The following DCAF6 variants were observed in gnomAD, a reference collection of about 807,000 sequenced individuals.
DCAF6 encodes the protein DDB1 and CUL4 associated factor 6, also known as DDB1- and CUL4-associated factor 6.
DCAF6 carries 54 observed loss-of-function variants against 125.1 expected under a neutral mutation model. The ratio of observed to expected loss-of-function variants is 0.43; its 90% CI spans 0.35 to 0.54. DCAF6 has a LOEUF of 0.54. Ranked by LOEUF, DCAF6 falls within the 20% of genes least tolerant of loss-of-function variation. DCAF6 has a pLI of 0.01. For missense variants in DCAF6, 934 were observed against 1,161.7 expected (o/e 0.80, Z 2.85); for synonymous variants, 371 against 390.4 (o/e 0.95, Z 0.58).
At chr1:168,044,466 A>C in intron 14 of DCAF6, 119 bp from the exon 15 acceptor site, 1 of 706,896 alleles carries the variant, frequency 1.4e-6, no homozygotes, top group East Asian at 2.5e-5. Flanking sequence ...GGTTATATGC[A>C]AATATTATGC....
intron 10 of DCAF6, among the ~76,000 whole-genome samples, chr1:168,010,128 A>G (rs2103127952): frequency 6.6e-6 from 1 of 152,296 alleles, no homozygotes; most frequent in South Asian, 2.1e-4. Flanking sequence ...TTAGCTGTCT[A>G]ACCATTTATC....
intron 11 of DCAF6, among the ~76,000 whole-genome samples, chr1:168,018,271 T>C (rs1685232778): frequency 6.6e-6 from 1 of 152,236 alleles, no homozygotes; most frequent in African/African-American, 2.4e-5. Flanking sequence ...AATTGAAGAC[T>C]AAAACACCAT....
At chr1:167,971,079 A>C (rs2102865097) in intron 3 of DCAF6, among the ~76,000 whole-genome samples, 1 of 152,248 alleles carries the variant, frequency 6.6e-6, no homozygotes, top group South Asian at 2.1e-4. Flanking sequence ...AGAGCTTAAA[A>C]AGTTTTCATT....
intron 5 of DCAF6, 120 bp downstream of exon 5, chr1:167,987,728 T>A: frequency 2.0e-6 from 1 of 511,348 alleles, no homozygotes. Context: ...ATGGTAAGAT[T>A]ATGGGTGAAT....
intron 2 of DCAF6, among the ~76,000 whole-genome samples, chr1:167,958,030 A>G (rs1244335073): frequency 6.6e-6 from 1 of 151,434 alleles, no homozygotes; most frequent in Non-Finnish European, 1.5e-5. Flanking sequence ...ATATTCTGGG[A>G]CTCTTGTCAT....
At chr1:168,017,410 T>G (rs899376345) in intron 11 of DCAF6, among the ~76,000 whole-genome samples, 3 of 152,014 alleles carry the variant, frequency 2.0e-5, no homozygotes, top group Non-Finnish European at 4.4e-5. Context: ...AACAAAACTG[T>G]CTAACAGGAA....
At chr1:168,063,110 A>G (rs1691819974) in intron 17 of DCAF6, among the ~76,000 whole-genome samples, 1 of 151,928 alleles carries the variant, frequency 6.6e-6, no homozygotes, top group African/African-American at 2.4e-5. Context: ...ATGGGGTTTC[A>G]TTATTCTTTT....
At chr1:167,872,729 T>C in the DCAF6 span, among the ~76,000 whole-genome samples, 2 of 149,980 alleles carry the variant, frequency 1.3e-5, no homozygotes, top group Non-Finnish European at 3.0e-5. Flanking sequence ...CTGATCTTTA[T>C]GTCATACTGG....
chr1:167,952,354 A>T lies in DCAF6; in HGVS notation c.159+493A>T, dbSNP rs370573025. On this transcript the variant is annotated intron_variant, in intron 2 of 21. Coordinates refer to ENST00000367840, the MANE Select transcript of DCAF6 (RefSeq NM_001198956.2). Reference sequence around the variant, plus strand: ...TGCCTCAGCCTCCTGGGTAGCTGGGACTACAGGTGCCTGCCACCACGCCTG... The same window carrying T: ...TGCCTCAGCCTCCTGGGTAGCTGGGTCTACAGGTGCCTGCCACCACGCCTG... Among the ~76,000 whole-genome samples, 4 of 152,102 alleles carry T rather than the reference A, an allele frequency of 2.6e-5. No individual in the cohort carries two copies. The South Asian group carries it at 6.2e-4, about 24-fold the overall frequency.
intron 7 of DCAF6, among the ~76,000 whole-genome samples, chr1:167,995,291 T>G (rs1198520729): frequency 1.3e-5 from 2 of 152,232 alleles, no homozygotes; most frequent in South Asian, 2.1e-4. Flanking sequence ...TGAATGAGGC[T>G]GAGTCATGAA....
chr1:168,007,731 C>G (rs1683533132), intron 10 of DCAF6, among the ~76,000 whole-genome samples: 1 of 152,012 alleles, frequency 6.6e-6, no homozygotes, highest in South Asian at 2.1e-4. Flanking sequence ...TGTTCTATCT[C>G]CTTCTGAATA....
upstream of DCAF6, among the ~76,000 whole-genome samples, chr1:167,931,151 C>T (rs148748214): frequency 6.6e-6 from 1 of 152,252 alleles, no homozygotes; most frequent in Non-Finnish European, 1.5e-5. Flanking sequence ...AGGCTGGTCT[C>T]GAACTCCTGA....
the DCAF6 span, among the ~76,000 whole-genome samples, chr1:167,901,279 G>A: frequency 1.1e-3 from 171 of 152,170 alleles, no homozygotes; most frequent in South Asian, 3.7e-3. Context: ...GTCTCATGTC[G>A]TTGCTGAAAC....
At chr1:168,060,350 A>T (rs555856615) in intron 17 of DCAF6, among the ~76,000 whole-genome samples, 1 of 151,804 alleles carries the variant, frequency 6.6e-6, no homozygotes, top group African/African-American at 2.4e-5. Flanking sequence ...TGCCCAGCTA[A>T]TTTTTTTCAT....
intron 21 of DCAF6, among the ~76,000 whole-genome samples, chr1:168,073,541 G>A (rs1693402442): frequency 6.6e-6 from 1 of 152,128 alleles, no homozygotes; most frequent in African/African-American, 2.4e-5. Flanking sequence ...GCCTCTGAGT[G>A]TAAAAGTCTA....
rs116461989 is a variant in DCAF6 at position 168,071,838 on chromosome 1, T to A, written c.2791+3375T>A. Among the ~76,000 whole-genome samples the A allele has an allele frequency of 7.6e-3, 1,150 of 152,298 alleles. 11 individuals are homozygous for A. Among genetic ancestry groups the A allele is most frequent in the African/African-American group, 0.026 (1,060 of 41,546 alleles). On this transcript the variant is annotated intron_variant, in intron 21 of 21. Coordinates refer to ENST00000367840, the MANE Select transcript of DCAF6 (RefSeq NM_001198956.2). ...CTGCCAACCTCTGACTTCCACTCAG[T>A]CCACCTTTTTTTCTAGCTCACTACA...
At chr1:168,047,233 G>A (rs1396412049) in intron 16 of DCAF6, among the ~76,000 whole-genome samples, 1 of 151,984 alleles carries the variant, frequency 6.6e-6, no homozygotes. Flanking sequence ...ATGTTTTAGG[G>A]ATTCTTTTAG....
chr1:167,987,757 C>G (rs761721179), intron 5 of DCAF6, 149 bp downstream of exon 5: 9 of 509,694 alleles, frequency 1.8e-5, no homozygotes, highest in Non-Finnish European at 3.1e-5. Flanking sequence ...TTTTGTTTTG[C>G]TAAAATATTT....
Position 168,002,580 on chromosome 1 carries a change from C to CT in DCAF6, c.997+6dup. The CT allele has an allele frequency of 6.2e-7, 1 of 1,610,364 alleles. No individual in the cohort carries two copies. The highest frequency in any genetic ancestry group is 8.5e-7 in the Non-Finnish European group (1 of 1,177,398). The stretch of plus-strand genomic sequence containing the variant: ...AGAGTGAACGAGAACGAGATGGTAA[C>CT]TATACTTTGGTCAGCTTTTCTTTGT... On this transcript the variant is annotated splice_donor_region_variant and intron_variant, in intron 8 of 21. Transcript: ENST00000367840.
Sources: gnomAD v4.1 joint callset for allele counts (sites outside exome capture counted in the v4.1 genomes callset) on GRCh38, gnomAD v4.1.1 for gene constraint, MANE v1.5 for transcripts, NCBI Gene and HGNC (gene_info 2026-07-23, HGNC 2026-07-21) for gene names.